The following GNB3 variants were observed in gnomAD, a reference collection of about 807,000 sequenced individuals.
The protein encoded by GNB3 is G protein subunit beta 3.
Under a neutral mutation model 41.2 loss-of-function variants are expected in GNB3, and 33 were observed. The observed-to-expected ratio is 0.80, with a 90% CI of 0.61 to 1.07. The LOEUF is 1.07. Among genes scored for constraint, GNB3 ranks in the 50% least tolerant of loss-of-function variants. The pLI is 0.00. For synonymous variants in GNB3, 172 were observed against 173.4 expected, an observed-to-expected ratio of 0.99 and a Z score of 0.06; for missense variants, 409 against 455.3, an observed-to-expected ratio of 0.90 and a Z score of 0.92.
In GNB3 at chr12:6,845,696, C is replaced by G. The variant is rs1555124500; in HGVS notation, c.810C>G (p.Ile270Met). ...TCTGCTTCTCCCACGAGAGCATCAT[C>G]TGCGGCATCACGTCCGTGGCCTTCT... Reference protein sequence around the residue: ...ELICFSHESIICGITSVAFSL... With the variant: ...ELICFSHESIMCGITSVAFSL... The change falls in exon 9 of 10, where the codon ATC becomes ATG. Residue 270 changes from isoleucine to methionine, a missense_variant. Physicochemically the swap from Ile to Met is conservative, Grantham distance 10 (BLOSUM62 1). Transcript: ENST00000229264. 1 of 1,614,098 alleles carries G rather than the reference C, an allele frequency of 6.2e-7. No individual in the cohort carries two copies. Among genetic ancestry groups the G allele is most frequent in the African/African-American group, 1.3e-5 (1 of 75,056 alleles).
intron 3 of GNB3, among the ~76,000 whole-genome samples, chr12:6,842,484 G>A (rs782336646): frequency 1.3e-5 from 2 of 152,340 alleles, no homozygotes; most frequent in South Asian, 4.1e-4. Context: ...AGTCTAAAAT[G>A]TGGTTAGAGC....
chr12:6,846,982 C>T lies in GNB3; in HGVS notation c.*84C>T. 1 of 781,318 alleles carries T rather than the reference C, an allele frequency of 1.3e-6. No individual in the cohort carries two copies. Among genetic ancestry groups the T allele is most frequent in the African/African-American group, 1.7e-5 (1 of 58,650 alleles). The allele number at this position is 781,318 out of a possible 1,614,324, so 48.4% of individuals were successfully genotyped here. A position where few individuals can be genotyped will look rare whatever the true frequency, so the allele number is the denominator to read the frequency against. ...CCCCATCTCATTCAGGTGTTCTCTTCTATATTCCGGGTGCCATTCCCACTA... is the reference window on the plus strand; with the variant it reads ...CCCCATCTCATTCAGGTGTTCTCTTTTATATTCCGGGTGCCATTCCCACTA... On this transcript the variant is annotated 3_prime_UTR_variant, in exon 10 of 10. Transcript: ENST00000229264.
intron 3 of GNB3, among the ~76,000 whole-genome samples, chr12:6,842,273 G>T (rs1220373889): frequency 6.6e-6 from 1 of 152,190 alleles, no homozygotes; most frequent in Non-Finnish European, 1.5e-5. Context: ...AGCAGGCCGG[G>T]CGCAGTGGTT....
intron 3 of GNB3, 194 bp downstream of exon 3, chr12:6,841,818 G>C: frequency 2.9e-6 from 2 of 701,058 alleles, no homozygotes. Context: ...CGAAAGATGC[G>C]GACACGGTTC....
chr12:6,844,091 G>GTCTTT lies in GNB3; in HGVS notation c.699+114_699+115insCTTTT, dbSNP rs1432718669. The GTCTTT allele has an allele frequency of 3.4e-3, 876 of 258,638 alleles. 196 individuals carry two copies. The highest frequency in any genetic ancestry group is 0.021 in the East Asian group (271 of 12,870). 16.0% of individuals were successfully genotyped at this position (258,638 alleles called of 1,614,324 possible). On this transcript the variant is annotated intron_variant, in intron 8 of 9. Coordinates refer to ENST00000229264, the MANE Select transcript of GNB3 (RefSeq NM_002075.4). The stretch of plus-strand genomic sequence containing the variant: ...ATAGCTTCCCTAGCCCTTTCTTACT[G>GTCTTT]TATTTTTTTTTTTTTTTTTTTTTTT...
Position 6,843,127 on chromosome 12 carries a change from A to G in GNB3, c.204-47A>G, listed in dbSNP as rs1353819148. The G allele has an allele frequency of 1.2e-6, 2 of 1,606,094 alleles. No individual in the cohort carries two copies. The highest frequency in any genetic ancestry group is 1.7e-6 in the Non-Finnish European group (2 of 1,173,002). On this transcript the variant is annotated intron_variant, in intron 4 of 9. Transcript: ENST00000229264. The surrounding 1 kb of genome is among the most constrained non-coding windows in gnomAD (Gnocchi z 5.9). ...TGGGAGGGTGAGAGCGGGAGTGAGG[A>G]AGGCGGGAAGGGGAGGCTTGCATGA...
chr12:6,842,094 T>C (rs973403696), intron 3 of GNB3, among the ~76,000 whole-genome samples: 1 of 152,242 alleles, frequency 6.6e-6, no homozygotes, highest in African/African-American at 2.4e-5. Flanking sequence ...GGATTAAATA[T>C]GTTAATAGTG....
At chr12:6,846,022 C>G in intron 9 of GNB3, 1 of 559,008 alleles carries the variant, frequency 1.8e-6, no homozygotes, top group Admixed American at 3.1e-5. Context: ...TGCCCAATGC[C>G]ATGACTGCTC....
intron 1 of GNB3, 89 bp from the exon 2 acceptor site, chr12:6,841,169 C>A: frequency 5.1e-5 from 37 of 726,714 alleles, no homozygotes; most frequent in East Asian, 8.9e-5. Context: ...CCAGTCGTTT[C>A]CCTGTGTCTT....
At position 6,844,093 on chromosome 12, in the gene GNB3, ATTT is replaced by A. The variant is rs34871066; in HGVS notation, c.699+139_699+141del. ...AGCTTCCCTAGCCCTTTCTTACTGT[ATTT>A]TTTTTTTTTTTTTTTTTTTTTTTGA... On this transcript the variant is annotated intron_variant, in intron 8 of 9. Transcript: ENST00000229264. 0.025 allele frequency: 6,257 copies of A among 254,976 alleles called. No individual in the cohort carries two copies. The highest frequency in any genetic ancestry group is 0.039 in the South Asian group (636 of 16,392). 15.8% of individuals were successfully genotyped at this position (254,976 alleles called of 1,614,324 possible).
intron 8 of GNB3, 137 bp from the exon 9 acceptor site, chr12:6,845,449 C>T: frequency 1.5e-6 from 1 of 646,114 alleles, no homozygotes; most frequent in Non-Finnish European, 2.8e-6. Flanking sequence ...GCTTCTCACC[C>T]CAAACCAAGG....
Position 6,843,793 on chromosome 12 carries a change from G to C in GNB3, c.514G>C (p.Glu172Gln), listed in dbSNP as rs1555123965. 6.2e-7 allele frequency: 1 copy of C among 1,614,102 alleles called. No individual in the cohort carries two copies. Among genetic ancestry groups the C allele is most frequent in the Admixed American group, 1.7e-5 (1 of 60,028 alleles). ...TTTTGGCAGTGCCTTGTGGGACATT[G>C]AGACTGGGCAGCAGAAGACTGTATT... Reference protein sequence around the residue: ...GDTTCALWDIETGQQKTVFVG... With the variant: ...GDTTCALWDIQTGQQKTVFVG... Residue 172 changes from glutamate to glutamine, a missense_variant, in exon 8 of 10, where the codon GAG becomes CAG. Coordinates refer to ENST00000229264, the MANE Select transcript of GNB3 (RefSeq NM_002075.4). This position sits in a 1 kb window ranked among gnomAD's most constrained non-coding sequence, Gnocchi z 5.9.
Position 6,844,072 on chromosome 12 carries a change from TC to T in GNB3, c.699+97del, listed in dbSNP as rs1297859743. 9.5e-6 allele frequency: 6 copies of T among 632,622 alleles called. No individual in the cohort carries two copies. In the African/African-American group the frequency reaches 1.2e-4, roughly 13 times the overall value. The allele number at this position is 632,622 out of a possible 1,614,324, so 39.2% of individuals were successfully genotyped here. ...CACATCCTCTGCCCCTCCCATAGCT[TC>T]CCTAGCCCTTTCTTACTGTATTTTT... On this transcript the variant is annotated intron_variant, in intron 8 of 9. Transcript: ENST00000229264.
rs781903842 is a variant in GNB3, at chr12:6,843,846, C to T, written c.567C>T (p.Ser189=). 1.9e-6 allele frequency: 3 copies of T among 1,613,878 alleles called. No individual in the cohort carries two copies. The African/African-American group carries it at 4.0e-5, about 22-fold the overall frequency. ...VFVGHTGDCM[S]LAVSPDFNLF... is the part of the protein sequence containing the mutation. The stretch of plus-strand genomic sequence containing the variant: ...TGGGACACACGGGTGACTGCATGAG[C>T]CTGGCTGTGTCTCCTGACTTCAATC... Residue 189 remains serine (S), a synonymous_variant, in exon 8 of 10, where the codon AGC becomes AGT. Transcript: ENST00000229264. This position sits in a 1 kb window ranked among gnomAD's most constrained non-coding sequence, Gnocchi z 5.9.
In GNB3 at chr12:6,846,945, C is replaced by G. The variant is rs1454085476; in HGVS notation, c.*47C>G. The G allele has an allele frequency of 3.8e-6, 4 of 1,056,190 alleles. No individual in the cohort carries two copies. The highest frequency in any genetic ancestry group is 2.3e-4 in the Middle Eastern group (1 of 4,382). 65.4% of individuals were successfully genotyped at this position (1,056,190 alleles called of 1,614,324 possible). ...GGAAGGCAGTGAACACACTCAGCAG[C>G]CCCCTGCCCGACCCCATCTCATTCA... On this transcript the variant is annotated 3_prime_UTR_variant, in exon 10 of 10. Transcript: ENST00000229264.
At chr12:6,841,455 G>A in intron 2 of GNB3, 111 bp downstream of exon 2, 2 of 1,196,362 alleles carry the variant, frequency 1.7e-6, no homozygotes, top group South Asian at 1.3e-5. Context: ...AGTGACCAGG[G>A]ACTTTCTAAA....
At position 6,842,370 on chromosome 12, in the gene GNB3, G is replaced by A. The variant is rs149867476; in HGVS notation, c.97-600G>A. 7.5e-3 allele frequency among the ~76,000 whole-genome samples: 1,146 copies of A among 152,226 alleles called. 14 individuals are homozygous for A. Among genetic ancestry groups the A allele is most frequent in the African/African-American group, 0.026 (1,086 of 41,522 alleles). On this transcript the variant is annotated intron_variant, in intron 3 of 9. Coordinates refer to ENST00000229264, the MANE Select transcript of GNB3 (RefSeq NM_002075.4). Reference sequence around the variant, plus strand: ...TTGAGACCAGCCTGGGCAACATAGTGAGATCTCTTCTTAATATAAAAAAAA... The same window carrying A: ...TTGAGACCAGCCTGGGCAACATAGTAAGATCTCTTCTTAATATAAAAAAAA...
intron 3 of GNB3, 31 bp downstream of exon 3, chr12:6,841,655 C>T: frequency 6.3e-7 from 1 of 1,578,462 alleles, no homozygotes; most frequent in Non-Finnish European, 8.7e-7. Context: ...GAAGGCAGGG[C>T]ATGGGGGGAG....
intron 3 of GNB3, 81 bp downstream of exon 3, chr12:6,841,705 G>A (rs112239176): frequency 1.2e-5 from 12 of 1,000,446 alleles, no homozygotes; most frequent in South Asian, 6.7e-5. Flanking sequence ...GCGTTGCTCC[G>A]AGCATTAGTA....
Sources: allele counts gnomAD v4.1 joint callset (sites outside exome capture counted in the v4.1 genomes callset), GRCh38; gene constraint gnomAD v4.1.1; non-coding constraint Gnocchi (gnomAD v3.1); transcripts MANE v1.5; gene names NCBI Gene and HGNC (gene_info 2026-07-23, HGNC 2026-07-21).